The following SATB2 variants were observed in gnomAD, a reference collection of about 807,000 sequenced individuals.
SATB2 encodes SATB homeobox 2, also known as DNA-binding protein SATB2.
A neutral mutation model predicts 73.4 loss-of-function variants in SATB2; 1 was observed. That is an observed-to-expected ratio of 0.01 (90% CI 0.00 to 0.06). The LOEUF (loss-of-function observed/expected upper bound fraction) is 0.06. Among genes scored for constraint, SATB2 ranks in the 10% least tolerant of loss-of-function variants. SATB2 has a pLI of 1.00. For missense variants in SATB2, 459 were observed against 945.8 expected (o/e 0.49, Z 6.75); for synonymous variants, 397 against 367.0 (o/e 1.08, Z -0.93).
chr2:199,315,118 T>G (rs1474050610), intron 9 of SATB2, among the ~76,000 whole-genome samples: 1 of 152,034 alleles, frequency 6.6e-6, no homozygotes, highest in Non-Finnish European at 1.5e-5. Context: ...AGAACCACAC[T>G]ACATCAATCA....
intron 10 of SATB2, among the ~76,000 whole-genome samples, chr2:199,278,727 C>T (rs374299784): frequency 1.1e-3 from 168 of 152,226 alleles, no homozygotes; most frequent in African/African-American, 3.8e-3. Context: ...GGATTTTTAT[C>T]GGAGTATTAC....
At position 199,272,716 on chromosome 2, in the gene SATB2, T is replaced by G; in HGVS notation, c.1741-44A>C. The G allele has an allele frequency of 1.3e-6, 2 of 1,560,414 alleles. No individual in the cohort carries two copies. The highest frequency in any genetic ancestry group is 8.8e-7 in the Non-Finnish European group (1 of 1,131,310). On this transcript the variant is annotated intron_variant, in intron 10 of 10. Coordinates refer to ENST00000417098, the MANE Select transcript of SATB2 (RefSeq NM_001172509.2). This position sits in a 1 kb window ranked among gnomAD's most constrained non-coding sequence, Gnocchi z 6.7. ...AAAAATGAACACTGGACTCATGATTTTACCTTTCCAAAACCATCAGCCCTC... is the reference window on the plus strand; with the variant it reads ...AAAAATGAACACTGGACTCATGATTGTACCTTTCCAAAACCATCAGCCCTC...
chr2:199,298,685 C>T (rs1010919704), intron 10 of SATB2, among the ~76,000 whole-genome samples: 2 of 152,048 alleles, frequency 1.3e-5, no homozygotes, highest in Admixed American at 6.6e-5. Flanking sequence ...TGTTAATTAC[C>T]TCCTAGATTT....
At chr2:199,406,094 A>G (rs1690621615) in intron 3 of SATB2, among the ~76,000 whole-genome samples, 2 of 152,198 alleles carry the variant, frequency 1.3e-5, no homozygotes, top group Admixed American at 6.5e-5. Flanking sequence ...TAAAGTATAC[A>G]GGAGGAGGTG....
chr2:199,316,996 C>T (rs1048442411), intron 9 of SATB2, among the ~76,000 whole-genome samples: 11 of 150,886 alleles, frequency 7.3e-5, no homozygotes, highest in Non-Finnish European at 1.2e-4. Context: ...ATACCTGTGA[C>T]GTATCACTGT....
chr2:199,272,241 C>G lies in SATB2; in HGVS notation c.2172G>C (p.Lys724Asn), dbSNP rs915648697. The stretch of plus-strand genomic sequence containing the variant: ...TCTGGTCAATTTCGGCAGGTGCTGC[C>G]TTGCTTTTGTCAGCATTTTCCTCCT... ...EAEEENADKS[K>N]AAPAEIDQR The change falls in exon 11 of 11, where the codon AAG becomes AAC. Residue 724 changes from lysine to asparagine, a missense_variant. Physicochemically the swap from Lys to Asn is moderately conservative, Grantham distance 94 (BLOSUM62 0). Transcript: ENST00000417098. This position sits in a 1 kb window ranked among gnomAD's most constrained non-coding sequence, Gnocchi z 6.7. 9.3e-6 allele frequency: 15 copies of G among 1,614,074 alleles called. No homozygotes were observed. Among genetic ancestry groups the G allele is most frequent in the African/African-American group, 2.7e-5 (2 of 74,946 alleles).
At chr2:199,355,216 G>A (rs1305284874) in intron 6 of SATB2, among the ~76,000 whole-genome samples, 1 of 149,346 alleles carries the variant, frequency 6.7e-6, no homozygotes, top group Non-Finnish European at 1.5e-5. Context: ...TATATATATA[G>A]TGTGTATATA....
rs533661324 is a variant in SATB2 at position 199,353,986 on chromosome 2, G to A, written c.701-4813C>T. On this transcript the variant is annotated intron_variant, in intron 6 of 10. Transcript: ENST00000417098. ...GGTAAAAGGTAGTGCTGTCTCTGAC[G>A]GTGAAAGCAATGTTCACATTCACAA... is the stretch of plus-strand genomic sequence containing the variant. Among the ~76,000 whole-genome samples the A allele has an allele frequency of 1.3e-3, 201 of 152,242 alleles. 4 individuals are homozygous for A. The highest frequency in any genetic ancestry group is 1.2e-3 in the Non-Finnish European group (80 of 68,008).
At chr2:199,275,930 G>A (rs530809331) in intron 10 of SATB2, among the ~76,000 whole-genome samples, 10 of 152,014 alleles carry the variant, frequency 6.6e-5, no homozygotes, top group South Asian at 2.1e-4. Context: ...CCTTTCAACC[G>A]CAATATACAT....
chr2:199,371,273 C>T (rs1335217790), intron 5 of SATB2, among the ~76,000 whole-genome samples: 5 of 152,094 alleles, frequency 3.3e-5, no homozygotes, highest in African/African-American at 1.2e-4. Context: ...AATCACTAGG[C>T]TTCACTAGAA....
rs1188034501 is a variant in SATB2, at chr2:199,270,051, A to G, written c.*2160T>C. On this transcript the variant is annotated 3_prime_UTR_variant, in exon 11 of 11. Transcript: ENST00000417098. Reference sequence around the variant, plus strand: ...TACGTGTACAGAGTGACCTTCAGCAACAGTGTAAGAAGACAATTTGGAAAG... The same window carrying G: ...TACGTGTACAGAGTGACCTTCAGCAGCAGTGTAAGAAGACAATTTGGAAAG... 1 of 152,762 alleles carries G rather than the reference A, an allele frequency of 6.5e-6. No homozygotes were observed. The highest frequency in any genetic ancestry group is 1.9e-4 in the East Asian group (1 of 5,334). 9.5% of individuals were successfully genotyped at this position (152,762 alleles called of 1,614,324 possible).
chr2:199,453,692 A>G (rs1692194211), intron 2 of SATB2, among the ~76,000 whole-genome samples: 1 of 152,078 alleles, frequency 6.6e-6, no homozygotes, highest in African/African-American at 2.4e-5. Context: ...TGGAAATTAT[A>G]TAAACTTAAA....
intron 2 of SATB2, among the ~76,000 whole-genome samples, chr2:199,445,066 C>T (rs1042782965): frequency 2.0e-5 from 3 of 152,190 alleles, no homozygotes; most frequent in African/African-American, 7.2e-5. Context: ...TTATGTTTGA[C>T]AGAATATAAG....
rs547550633 is a variant in SATB2 at position 199,356,560 on chromosome 2, T to TA, written c.701-7388dup. ...GATCTTGTCTAATACCAGAGAAATTTAAAAAATGTGCTCTAGGTCGAATAA... is the reference window on the plus strand; with the variant it reads ...GATCTTGTCTAATACCAGAGAAATTTAAAAAAATGTGCTCTAGGTCGAATAA... On this transcript the variant is annotated intron_variant, in intron 6 of 10. Transcript: ENST00000417098. Among the ~76,000 whole-genome samples, 287 of 152,234 alleles carry TA rather than the reference T, an allele frequency of 1.9e-3. 2 individuals carry two copies. Among genetic ancestry groups the TA allele is most frequent in the South Asian group, 4.6e-3 (22 of 4,830 alleles).
intron 10 of SATB2, among the ~76,000 whole-genome samples, chr2:199,288,334 T>A (rs1378778429): frequency 1.3e-5 from 2 of 152,202 alleles, no homozygotes; most frequent in African/African-American, 4.8e-5. Flanking sequence ...TCCCCATAAC[T>A]ACAATGGCAC....
In SATB2 at chr2:199,456,006, C is replaced by T. The variant is rs1692262207; in HGVS notation, c.32G>A (p.Arg11Gln). The change falls in exon 2 of 11, where the codon CGG (arginine) becomes CAG (glutamine). Residue 11 changes from arginine (R) to glutamine (Q), a missense_variant. Around this residue, in one of 13 missense-constraint regions of SATB2, gnomAD observed 74 missense variants for 113.3 expected, o/e 0.65. Transcript: ENST00000417098. Reference sequence around the variant, plus strand: ...GCCGCTCCGCCGGTCGGGGCTGTCCCGCAGACACGGGCTCTCGCTCCGCCG... The same window carrying T: ...GCCGCTCCGCCGGTCGGGGCTGTCCTGCAGACACGGGCTCTCGCTCCGCCG... MERRSESPCL[R>Q]DSPDRRSGSP... 3 of 1,544,290 alleles carry T rather than the reference C, an allele frequency of 1.9e-6. No homozygotes were observed. Among genetic ancestry groups the T allele is most frequent in the Non-Finnish European group, 2.6e-6 (3 of 1,150,162 alleles).
chr2:199,438,103 AAAAC>A (rs1171787784), intron 2 of SATB2, among the ~76,000 whole-genome samples: 7 of 152,340 alleles, frequency 4.6e-5, no homozygotes, highest in African/African-American at 1.7e-4. Flanking sequence ...CTTAATAACA[AAAAC>A]AAATAAAATA....
At chr2:199,346,149 T>A (rs1688644515) in intron 7 of SATB2, among the ~76,000 whole-genome samples, 1 of 151,702 alleles carries the variant, frequency 6.6e-6, no homozygotes, top group Non-Finnish European at 1.5e-5. Context: ...TTTCTTTTTT[T>A]CTTTTTCTTT....
chr2:199,471,070 G>C (rs963559678), exon 1 of SATB2: 5 of 152,488 alleles, frequency 3.3e-5, no homozygotes, highest in Non-Finnish European at 5.9e-5. Flanking sequence ...GAATCGGCGA[G>C]TGCAAAGTAG....
Sources: gnomAD v4.1 joint callset for allele counts (sites outside exome capture counted in the v4.1 genomes callset) on GRCh38, gnomAD v4.1.1 for gene constraint, gnomAD v4.1.1 regional missense constraint, Gnocchi (gnomAD v3.1) non-coding constraint, MANE v1.5 for transcripts, NCBI Gene and HGNC (gene_info 2026-07-23, HGNC 2026-07-21) for gene names.